Variants in ALG5 observed in about 807,000 individuals in gnomAD.
ALG5 encodes the protein ALG5 dolichyl-phosphate beta-glucosyltransferase.
ALG5 carries 26 observed loss-of-function variants against 51.8 expected under a neutral mutation model. That is an observed-to-expected ratio of 0.50 (90% confidence interval 0.37 to 0.70). The LOEUF (loss-of-function observed/expected upper bound fraction) is 0.70. Ranked by LOEUF, ALG5 falls within the 30% of genes least tolerant of loss-of-function variation. The pLI is 0.00. For missense variants in ALG5, 311 were observed against 399.3 expected, an observed-to-expected ratio of 0.78 and a Z score of 1.88; for synonymous variants, 141 against 136.1, an observed-to-expected ratio of 1.04 and a Z score of -0.25.
chr13:36,996,248 A>G (rs1335462400), intron 1 of ALG5, among the ~76,000 whole-genome samples: 1 of 152,222 alleles, frequency 6.6e-6, no homozygotes, highest in African/African-American at 2.4e-5. Flanking sequence ...AAGCTTTGGA[A>G]ATAACCATTG....
chr13:36,972,687 C>G (rs963865654), intron 6 of ALG5, among the ~76,000 whole-genome samples: 2 of 152,092 alleles, frequency 1.3e-5, no homozygotes, highest in Non-Finnish European at 2.9e-5. Flanking sequence ...GATATAGTAA[C>G]AGCATTAAAA....
intron 3 of ALG5, among the ~76,000 whole-genome samples, chr13:36,994,778 G>C (rs116342361): frequency 2.0e-5 from 3 of 151,778 alleles, no homozygotes; most frequent in African/African-American, 7.3e-5. Flanking sequence ...AGAAATTTTC[G>C]CTTCCTGGTT....
chr13:36,958,899 C>T (rs752873816), intron 8 of ALG5, among the ~76,000 whole-genome samples: 12 of 151,924 alleles, frequency 7.9e-5, no homozygotes, highest in Admixed American at 4.6e-4. Context: ...CCCAGGCATT[C>T]GAGCAGGAAG....
intron 6 of ALG5, among the ~76,000 whole-genome samples, chr13:36,974,882 T>C (rs1258169005): frequency 2.0e-5 from 3 of 152,190 alleles, no homozygotes; most frequent in African/African-American, 7.2e-5. Context: ...AATTCTCTCT[T>C]AAATGTTTTC....
At position 36,967,684 on chromosome 13, in the gene ALG5, A is replaced by G. The variant is rs73175052; in HGVS notation, c.622-1958T>C. 4,235 of 506,938 alleles carry G rather than the reference A, an allele frequency of 8.4e-3. 31 individuals are homozygous for G. Among genetic ancestry groups the G allele is most frequent in the Middle Eastern group, 0.014 (44 of 3,132 alleles). 31.4% of individuals were successfully genotyped at this position (506,938 alleles called of 1,614,324 possible). On this transcript the variant is annotated intron_variant, in intron 7 of 9. Transcript: ENST00000239891. Reference sequence around the variant, plus strand: ...AAATATGTCTTACCTCTCTAAGTAGATAGGGCAGAAACCTCATCTTAAAAT... The same window carrying G: ...AAATATGTCTTACCTCTCTAAGTAGGTAGGGCAGAAACCTCATCTTAAAAT...
chr13:36,973,212 C>T (rs773722570), intron 6 of ALG5, among the ~76,000 whole-genome samples: 2 of 151,316 alleles, frequency 1.3e-5, no homozygotes, highest in Non-Finnish European at 2.9e-5. Flanking sequence ...GATGACTCAT[C>T]ACAAAAATTT....
chr13:36,954,409 T>C (rs549536376), intron 8 of ALG5, among the ~76,000 whole-genome samples: 1 of 152,318 alleles, frequency 6.6e-6, no homozygotes, highest in East Asian at 1.9e-4. Context: ...ATCCCAGGTC[T>C]TGAACTCCTG....
intron 6 of ALG5, among the ~76,000 whole-genome samples, chr13:36,976,712 C>T (rs1405667874): frequency 2.0e-5 from 3 of 151,382 alleles, no homozygotes; most frequent in Admixed American, 1.3e-4. Context: ...CGCACCACTG[C>T]ACTCCAGCCT....
chr13:36,990,667 A>C (rs2059021517), intron 4 of ALG5, among the ~76,000 whole-genome samples: 1 of 152,010 alleles, frequency 6.6e-6, no homozygotes, highest in Non-Finnish European at 1.5e-5. Context: ...ATAAATAAAA[A>C]CTCCAGAATT....
rs1265985662 is a variant in ALG5, at chr13:36,950,019, C to T, written c.898G>A (p.Gly300Ser). ...LVPFWSWLQM[G>S]KDLLFIRLRY... ...AGTCGTATAAAAAGTAGGTCTTTAC[C>T]CATTTGTAGCCAGCTCCAGAATGGA... Residue 300 changes from glycine (G) to serine (S), a missense_variant, in exon 10 of 10, where the codon GGT (glycine) becomes AGT (serine). Coordinates refer to ENST00000239891, the MANE Select transcript of ALG5 (RefSeq NM_013338.5). 6.2e-7 allele frequency: 1 copy of T among 1,612,602 alleles called. No individual in the cohort carries two copies. Among genetic ancestry groups the T allele is most frequent in the African/African-American group, 1.3e-5 (1 of 74,870 alleles).
chr13:36,983,983 T>C (rs879636441), intron 6 of ALG5, among the ~76,000 whole-genome samples: 1 of 152,166 alleles, frequency 6.6e-6, no homozygotes, highest in Non-Finnish European at 1.5e-5. Context: ...GTTTTTGCTA[T>C]AACAGGATCT....
At chr13:36,990,881 C>T (rs1287263512) in intron 4 of ALG5, among the ~76,000 whole-genome samples, 1 of 152,194 alleles carries the variant, frequency 6.6e-6, no homozygotes, top group Non-Finnish European at 1.5e-5. Flanking sequence ...ACCTTCCTGA[C>T]CTAGTTCAGG....
intron 3 of ALG5, 68 bp downstream of exon 3, chr13:36,994,921 G>A (rs1243569643): frequency 1.2e-5 from 17 of 1,384,896 alleles, no homozygotes; most frequent in East Asian, 2.3e-5. Flanking sequence ...ATCTGGCTTG[G>A]GGTCCACAAT....
intron 1 of ALG5, among the ~76,000 whole-genome samples, chr13:36,996,046 G>C (rs1273966012): frequency 3.3e-5 from 5 of 151,212 alleles, no homozygotes; most frequent in Non-Finnish European, 5.9e-5. Context: ...TGGAACATGC[G>C]GGGTGAGGGC....
At chr13:36,961,191 G>A (rs1315780663) in intron 8 of ALG5, among the ~76,000 whole-genome samples, 7 of 152,088 alleles carry the variant, frequency 4.6e-5, no homozygotes, top group Admixed American at 3.3e-4. Context: ...TGAGGTGGGA[G>A]GATCACGTGA....
At position 36,999,253 on chromosome 13, in the gene ALG5, C is replaced by A. The variant is rs1593692574; in HGVS notation, c.48G>T (p.Ala16=). Residue 16 remains alanine (A), a synonymous_variant, in exon 1 of 10, where the codon GCG becomes GCT. Transcript: ENST00000239891. ...TTCTCACCAGTACGAGGGCTGCGGCCGCCAGCGCCGCGCCGAGCACCGCCA... is the reference window on the plus strand; with the variant it reads ...TTCTCACCAGTACGAGGGCTGCGGCAGCCAGCGCCGCGCCGAGCACCGCCA... ...LQLAVLGAAL[A]AAALVLISIV... 1.9e-6 allele frequency: 3 copies of A among 1,580,236 alleles called. No homozygotes were observed. In the East Asian group the frequency reaches 7.5e-5, roughly 39 times the overall value.
chr13:36,982,862 AAT>A (rs1566065136), intron 6 of ALG5, among the ~76,000 whole-genome samples: 1 of 152,160 alleles, frequency 6.6e-6, no homozygotes, highest in African/African-American at 2.4e-5. Flanking sequence ...AAATTAATTC[AAT>A]TGAGCTGGGA....
intron 8 of ALG5, among the ~76,000 whole-genome samples, chr13:36,955,274 A>G (rs932100425): frequency 6.6e-6 from 1 of 152,180 alleles, no homozygotes; most frequent in Admixed American, 6.6e-5. Context: ...AAATTTACCA[A>G]TCAGAGGCTC....
chr13:36,975,496 T>C (rs952014044), intron 6 of ALG5, among the ~76,000 whole-genome samples: 1 of 152,328 alleles, frequency 6.6e-6, no homozygotes, highest in African/African-American at 2.4e-5. Context: ...TAGTGCTGCA[T>C]GGTAGTTTTT....
Sources: gnomAD v4.1 joint callset for allele counts (sites outside exome capture counted in the v4.1 genomes callset) on GRCh38, gnomAD v4.1.1 for gene constraint, MANE v1.5 for transcripts, NCBI Gene and HGNC (gene_info 2026-07-23, HGNC 2026-07-21) for gene names.